Variants in PTPRN2 observed in about 807,000 individuals in gnomAD.
PTPRN2 encodes the protein receptor-type tyrosine-protein phosphatase N2.
Under a neutral mutation model 118.8 loss-of-function variants are expected in PTPRN2, and 74 were observed. That is an observed-to-expected ratio of 0.62 (90% CI 0.52 to 0.76). The LOEUF (loss-of-function observed/expected upper bound fraction) is 0.76. Among genes scored for constraint, PTPRN2 ranks in the 30% least tolerant of loss-of-function variants. PTPRN2 has a pLI of 0.00. For missense variants in PTPRN2, 1,481 were observed against 1,394.4 expected, an observed-to-expected ratio of 1.06 and a Z score of -0.99; for synonymous variants, 641 against 608.0, an observed-to-expected ratio of 1.05 and a Z score of -0.80.
intron 12 of PTPRN2, among the ~76,000 whole-genome samples, chr7:157,823,350 C>A (rs1806970216): frequency 6.6e-6 from 1 of 152,234 alleles, no homozygotes; most frequent in African/African-American, 2.4e-5. Flanking sequence ...AGCTTCAAGA[C>A]ACTCCTAGCC....
chr7:158,194,117 G>A (rs887928777), intron 4 of PTPRN2, among the ~76,000 whole-genome samples: 75 of 150,132 alleles, frequency 5.0e-4, no homozygotes, highest in African/African-American at 1.6e-3. Context: ...GTGCACGCGC[G>A]CGCATGTGCG....
At chr7:158,411,375 GC>G (rs1814074376) in intron 2 of PTPRN2, among the ~76,000 whole-genome samples, 2 of 152,192 alleles carry the variant, frequency 1.3e-5, no homozygotes, top group African/African-American at 2.4e-5. Flanking sequence ...GCGCACTGCT[GC>G]CCCTGCTGGG....
intron 2 of PTPRN2, among the ~76,000 whole-genome samples, chr7:158,418,844 G>T (rs1374988652): frequency 6.6e-6 from 1 of 152,166 alleles, no homozygotes; most frequent in African/African-American, 2.4e-5. Flanking sequence ...AAGTCATGTT[G>T]TACTACATCA....
At chr7:158,187,174 C>T (rs1034261258) in intron 5 of PTPRN2, among the ~76,000 whole-genome samples, 7 of 152,106 alleles carry the variant, frequency 4.6e-5, no homozygotes, top group Non-Finnish European at 7.3e-5. Flanking sequence ...TGAGTCATCT[C>T]GCTAATGAAC....
intron 3 of PTPRN2, among the ~76,000 whole-genome samples, chr7:158,262,611 G>GCA (rs199608045): frequency 7.8e-6 from 1 of 127,542 alleles, no homozygotes; most frequent in Admixed American, 8.1e-5. Flanking sequence ...CACACACACT[G>GCA]CACACACACA....
At chr7:158,253,445 T>C (rs1796817459) in intron 3 of PTPRN2, among the ~76,000 whole-genome samples, 1 of 152,228 alleles carries the variant, frequency 6.6e-6, no homozygotes, top group Non-Finnish European at 1.5e-5. Context: ...CAACAGAACC[T>C]TCCGTTTCCA....
At chr7:157,997,549 G>A (rs1163039606) in intron 11 of PTPRN2, among the ~76,000 whole-genome samples, 1 of 152,184 alleles carries the variant, frequency 6.6e-6, no homozygotes, top group Admixed American at 6.5e-5. Flanking sequence ...GGAAGGACCA[G>A]GGAGGAGAAG....
chr7:157,686,353 T>C (rs567889553), intron 12 of PTPRN2, among the ~76,000 whole-genome samples: 20 of 152,338 alleles, frequency 1.3e-4, no homozygotes, highest in African/African-American at 4.6e-4. Context: ...GAAACGAAGA[T>C]TTAAAGAATT....
intron 12 of PTPRN2, among the ~76,000 whole-genome samples, chr7:157,870,807 C>T (rs61486264): frequency 1.3e-5 from 2 of 152,220 alleles, no homozygotes; most frequent in Admixed American, 6.5e-5. Context: ...GCCAGCCTCC[C>T]GCACCTGCAC....
chr7:157,848,979 G>A (rs1329221241), intron 12 of PTPRN2, among the ~76,000 whole-genome samples: 1 of 152,212 alleles, frequency 6.6e-6, no homozygotes, highest in Non-Finnish European at 1.5e-5. Flanking sequence ...CTGCCCCAGT[G>A]AGAGGACTGG....
At chr7:158,223,969 T>C (rs1363149657) in intron 3 of PTPRN2, among the ~76,000 whole-genome samples, 1 of 152,200 alleles carries the variant, frequency 6.6e-6, no homozygotes, top group Non-Finnish European at 1.5e-5. Context: ...GTTCTTGTAC[T>C]ATATACTAAC....
intron 17 of PTPRN2, among the ~76,000 whole-genome samples, chr7:157,584,118 T>C (rs534341792): frequency 3.9e-5 from 6 of 152,240 alleles, no homozygotes; most frequent in African/African-American, 1.2e-4. Flanking sequence ...CTGGGCAACA[T>C]AGTGAGATCC....
intron 4 of PTPRN2, among the ~76,000 whole-genome samples, chr7:158,202,717 G>T (rs1240950955): frequency 6.6e-6 from 1 of 152,132 alleles, no homozygotes; most frequent in African/African-American, 2.4e-5. Context: ...CACAAAGAAA[G>T]AATTTAGAAA....
At chr7:158,305,704 A>G (rs1345670367) in intron 3 of PTPRN2, among the ~76,000 whole-genome samples, 1 of 152,132 alleles carries the variant, frequency 6.6e-6, no homozygotes, top group Non-Finnish European at 1.5e-5. Context: ...CATAAAAGCA[A>G]TGAGAAAACC....
intron 12 of PTPRN2, among the ~76,000 whole-genome samples, chr7:157,849,102 G>A (rs1244156685): frequency 6.6e-6 from 1 of 152,190 alleles, no homozygotes; most frequent in Non-Finnish European, 1.5e-5. Context: ...TCTACACCCA[G>A]GTCCTTCTCA....
At chr7:157,821,740 A>G (rs768419403) in intron 12 of PTPRN2, among the ~76,000 whole-genome samples, 7 of 152,064 alleles carry the variant, frequency 4.6e-5, no homozygotes, top group Admixed American at 2.6e-4. Context: ...TAGATGGAGG[A>G]TTGGGGAGAA....
At chr7:158,270,795 GGAC>G (rs1798310755) in intron 3 of PTPRN2, among the ~76,000 whole-genome samples, 1 of 71,444 alleles carries the variant, frequency 1.4e-5, no homozygotes, top group East Asian at 3.4e-4. Flanking sequence ...CCCTCCACCT[GGAC>G]CACCCCCTCA....
At chr7:157,923,292 TTATGA>T (rs1156425991) in intron 11 of PTPRN2, among the ~76,000 whole-genome samples, 1 of 152,040 alleles carries the variant, frequency 6.6e-6, no homozygotes, top group Non-Finnish European at 1.5e-5. Flanking sequence ...TAGCCATAAG[TTATGA>T]TGCTTGTGAC....
intron 14 of PTPRN2, among the ~76,000 whole-genome samples, chr7:157,654,029 T>G (rs1178514988): frequency 9.1e-5 from 3 of 33,028 alleles, no homozygotes; most frequent in Admixed American, 4.1e-4. Flanking sequence ...GACGCCCGCC[T>G]CTCCCCACAC....
Sources: gnomAD v4.1 joint callset for allele counts (sites outside exome capture counted in the v4.1 genomes callset) on GRCh38, gnomAD v4.1.1 for gene constraint, MANE v1.5 for transcripts, NCBI Gene and HGNC (gene_info 2026-07-23, HGNC 2026-07-21) for gene names.